Variants in PLA1A observed in about 807,000 individuals in gnomAD.
PLA1A encodes phospholipase A1 member A.
A neutral mutation model predicts 49.4 loss-of-function variants in PLA1A; 47 were observed. The observed-to-expected ratio is 0.95, with a 90% CI of 0.75 to 1.21. PLA1A has a LOEUF of 1.21. Ranked by LOEUF, PLA1A falls within the 50% of genes most tolerant of loss-of-function variation. The pLI is 0.00. For missense variants in PLA1A, 561 were observed against 563.9 expected, an observed-to-expected ratio of 0.99 and a Z score of 0.05; for synonymous variants, 224 against 207.9, an observed-to-expected ratio of 1.08 and a Z score of -0.67.
intron 2 of PLA1A, 119 bp from the exon 3 acceptor site, chr3:119,608,651 A>G (rs759374467): frequency 6.3e-6 from 5 of 799,036 alleles, no homozygotes; most frequent in Non-Finnish European, 1.0e-5. Context: ...TAAACTCCTC[A>G]TATGAGCCCT....
rs527365202 is a variant in PLA1A, at chr3:119,628,013, G to T, written c.1122-688G>T. On this transcript the variant is annotated intron_variant, in intron 9 of 10. Coordinates refer to ENST00000273371, the MANE Select transcript of PLA1A (RefSeq NM_015900.4). ...TTTAAACATAAAGGGAATCTGGGGG[G>T]GCAAAGCCAAGAGGCTGGGTTAAGA... Among the ~76,000 whole-genome samples, 20 of 152,244 alleles carry T rather than the reference G, an allele frequency of 1.3e-4. No homozygotes were observed. In the East Asian group the frequency reaches 2.7e-3, roughly 21 times the overall value.
intron 1 of PLA1A, among the ~76,000 whole-genome samples, chr3:119,603,387 A>G (rs1418669449): frequency 2.0e-5 from 3 of 152,244 alleles, no homozygotes; most frequent in African/African-American, 7.2e-5. Context: ...GATAGGAAAG[A>G]GTCAAAGATA....
intron 1 of PLA1A, chr3:119,600,426 T>C (rs183754969): frequency 1.4e-6 from 1 of 702,932 alleles, no homozygotes; most frequent in East Asian, 2.7e-5. Context: ...TTCTTTGTGT[T>C]CTCTCAGTAC....
rs757363460 is a variant in PLA1A, at chr3:119,625,210, A to T, written c.1099A>T (p.Thr367Ser). ...GGTTACCTTCCTTAGCAGTAACATC[A>T]CCTCTTCATCTAAGATCACCATGTA... ...IEVTFLSSNI[T>S]SSSKITIPKQ... The change falls in exon 9 of 11, where the codon ACC (threonine) becomes TCC (serine). Residue 367 changes from threonine (T) to serine (S), a missense_variant. Coordinates refer to ENST00000273371, the MANE Select transcript of PLA1A (RefSeq NM_015900.4). The T allele has an allele frequency of 6.2e-7, 1 of 1,610,380 alleles. No homozygotes were observed. The highest frequency in any genetic ancestry group is 1.7e-5 in the Admixed American group (1 of 60,022).
In PLA1A at chr3:119,625,182, C is replaced by T. The variant is rs758692009; in HGVS notation, c.1071C>T (p.Ile357=). 3.7e-6 allele frequency: 6 copies of T among 1,613,616 alleles called. No individual in the cohort carries two copies. The highest frequency in any genetic ancestry group is 2.7e-5 in the African/African-American group (2 of 74,914). The part of the protein sequence containing the change: ...LKELRNKDTN[I]EVTFLSSNIT... ...AACTGAGAAACAAGGACACCAACATCGAGGTTACCTTCCTTAGCAGTAACA... is the reference window on the plus strand; with the variant it reads ...AACTGAGAAACAAGGACACCAACATTGAGGTTACCTTCCTTAGCAGTAACA... Residue 357 remains isoleucine (I), a synonymous_variant, in exon 9 of 11, where the codon ATC becomes ATT. Transcript: ENST00000273371.
chr3:119,606,285 A>G (rs1270718434), intron 1 of PLA1A, among the ~76,000 whole-genome samples: 1 of 152,208 alleles, frequency 6.6e-6, no homozygotes, highest in Non-Finnish European at 1.5e-5. Context: ...GTAGATGGCC[A>G]CTGTCTCCCT....
chr3:119,606,671 T>C (rs1307582260), intron 1 of PLA1A, 103 bp from the exon 2 acceptor site: 1 of 793,410 alleles, frequency 1.3e-6, no homozygotes. Context: ...ACCCCATGCC[T>C]GCAGGCCCCT....
At chr3:119,599,176 G>A (rs1285029951) in intron 1 of PLA1A, among the ~76,000 whole-genome samples, 2 of 152,220 alleles carry the variant, frequency 1.3e-5, no homozygotes, top group East Asian at 3.8e-4. Context: ...CCTTGAGGAA[G>A]TGGCTTTCTT....
intron 1 of PLA1A, among the ~76,000 whole-genome samples, chr3:119,599,625 C>T (rs2082588618): frequency 1.3e-5 from 2 of 152,162 alleles, no homozygotes; most frequent in Admixed American, 1.3e-4. Flanking sequence ...AACCAGATAG[C>T]AGGGTTAGGG....
chr3:119,608,644 ACTC>A (rs2082726053), intron 2 of PLA1A, 123 bp from the exon 3 acceptor site: 6 of 755,684 alleles, frequency 7.9e-6, no homozygotes, highest in Non-Finnish European at 1.3e-5. Flanking sequence ...TGTGTAATAA[ACTC>A]CTCATATGAG....
intron 5 of PLA1A, among the ~76,000 whole-genome samples, chr3:119,613,829 T>C (rs561904090): frequency 3.3e-5 from 5 of 151,822 alleles, no homozygotes; most frequent in Non-Finnish European, 7.4e-5. Flanking sequence ...GGAGGCAGAG[T>C]TTGCAGGGAG....
chr3:119,613,810 G>A (rs1051531227), intron 5 of PLA1A, among the ~76,000 whole-genome samples: 3 of 151,986 alleles, frequency 2.0e-5, no homozygotes, highest in Non-Finnish European at 2.9e-5. Context: ...AGAGAATGGC[G>A]TGAACCCGGG....
At position 119,613,112 on chromosome 3, in the gene PLA1A, A is replaced by G. The variant is rs544372680; in HGVS notation, c.658A>G (p.Thr220Ala). ...CTTCGTGGAAGCCATCCACACAGAC[A>G]CCGACAGTGAGCTGGGGTGACCTTC... ...ALFVEAIHTD[T>A]DNLGIRIPVG... is the part of the protein sequence containing the mutation. Residue 220 changes from threonine (T) to alanine (A), a missense_variant, in exon 5 of 11, where the codon ACC becomes GCC. Coordinates refer to ENST00000273371, the MANE Select transcript of PLA1A (RefSeq NM_015900.4). 9.4e-6 allele frequency: 15 copies of G among 1,601,890 alleles called. No individual in the cohort carries two copies. The Admixed American group carries it at 2.4e-4, about 25-fold the overall frequency.
chr3:119,605,210 AGG>A (rs2082669955), intron 1 of PLA1A, among the ~76,000 whole-genome samples: 1 of 152,236 alleles, frequency 6.6e-6, no homozygotes, highest in Non-Finnish European at 1.5e-5. Flanking sequence ...TGAAGAGCTT[AGG>A]GCCGGCACTC....
chr3:119,615,766 G>A (rs1345506410), intron 5 of PLA1A, among the ~76,000 whole-genome samples: 2 of 151,816 alleles, frequency 1.3e-5, no homozygotes, highest in African/African-American at 4.8e-5. Flanking sequence ...AGAGAAGATG[G>A]CGCCACTGCA....
chr3:119,613,040 T>G lies in PLA1A; in HGVS notation c.586T>G (p.Tyr196Asp), dbSNP rs751794605. The G allele has an allele frequency of 6.2e-7, 1 of 1,603,816 alleles. No individual in the cohort carries two copies. Among genetic ancestry groups the G allele is most frequent in the Admixed American group, 1.7e-5 (1 of 58,986 alleles). Residue 196 changes from tyrosine (Y) to aspartate (D), a missense_variant, in exon 5 of 11, where the codon TAC becomes GAC. Coordinates refer to ENST00000273371, the MANE Select transcript of PLA1A (RefSeq NM_015900.4). ...ITGLDPAGPEYTRASVEERLD... is the reference protein window; with the variant it reads ...ITGLDPAGPEDTRASVEERLD... Reference sequence around the variant, plus strand: ...AGGCCTGGACCCCGCTGGACCTGAGTACACCAGGGCCAGTGTGGAAGAGCG... The same window carrying G: ...AGGCCTGGACCCCGCTGGACCTGAGGACACCAGGGCCAGTGTGGAAGAGCG...
Position 119,620,397 on chromosome 3 carries a change from C to G in PLA1A, c.1012+745C>G, listed in dbSNP as rs575208295. 3.3e-5 allele frequency among the ~76,000 whole-genome samples: 5 copies of G among 152,242 alleles called. 1 individual carries two copies. The South Asian group carries it at 8.3e-4, about 25-fold the overall frequency. ...GCTTGTGTCAAGTCAGTGCAGGGAT[C>G]TTTGTGAAAATATCTTCCTGGTACC... On this transcript the variant is annotated intron_variant, in intron 8 of 10. Transcript: ENST00000273371.
At chr3:119,626,412 A>G (rs1283711522) in intron 9 of PLA1A, among the ~76,000 whole-genome samples, 1 of 152,208 alleles carries the variant, frequency 6.6e-6, no homozygotes. Flanking sequence ...ACAGAGTCTG[A>G]CTGAGTCCAA....
chr3:119,614,079 G>T (rs2082809943), intron 5 of PLA1A, among the ~76,000 whole-genome samples: 1 of 152,144 alleles, frequency 6.6e-6, no homozygotes, highest in Admixed American at 6.5e-5. Flanking sequence ...GGTGCAGGGA[G>T]AAATAACATC....
Sources: allele counts gnomAD v4.1 joint callset (sites outside exome capture counted in the v4.1 genomes callset), GRCh38; gene constraint gnomAD v4.1.1; transcripts MANE v1.5; gene names NCBI Gene and HGNC (gene_info 2026-07-23, HGNC 2026-07-21).